The following PDPN variants were observed in gnomAD, a reference collection of about 807,000 sequenced individuals.
PDPN encodes podoplanin.
PDPN carries 12 observed loss-of-function variants against 23.2 expected under a neutral mutation model. The ratio of observed to expected loss-of-function variants is 0.52; its 90% CI spans 0.33 to 0.84. The LOEUF is 0.84. Ranked by LOEUF, PDPN falls within the 40% of genes least tolerant of loss-of-function variation. PDPN has a pLI of 0.02. For missense variants in PDPN, 199 were observed against 212.2 expected (o/e 0.94, Z 0.39); for synonymous variants, 77 against 76.7 (o/e 1.00, Z -0.02).
intron 1 of PDPN, among the ~76,000 whole-genome samples, chr1:13,593,293 A>G (rs1640400158): frequency 1.3e-5 from 2 of 152,130 alleles, no homozygotes; most frequent in South Asian, 2.1e-4. Flanking sequence ...CCGGCTTTAG[A>G]TATGATGAGT....
At chr1:13,585,947 C>G (rs928953032) in intron 1 of PDPN, among the ~76,000 whole-genome samples, 1 of 152,104 alleles carries the variant, frequency 6.6e-6, no homozygotes, top group Admixed American at 6.5e-5. Flanking sequence ...CTGGGTTTCC[C>G]TCCTCCAGGG....
chr1:13,614,114 C>T (rs1641005143), intron 4 of PDPN, among the ~76,000 whole-genome samples, 186 bp from the exon 5 acceptor site: 1 of 152,154 alleles, frequency 6.6e-6, no homozygotes, highest in African/African-American at 2.4e-5. Flanking sequence ...GAAATCTTCC[C>T]ATTTGTAAAA....
intron 1 of PDPN, chr1:13,584,436 G>C (rs1640122068): frequency 1.2e-6 from 1 of 843,884 alleles, no homozygotes; most frequent in African/African-American, 1.7e-5. Flanking sequence ...GGCAGCAGTG[G>C]CTGGGGTTTC....
intron 2 of PDPN, among the ~76,000 whole-genome samples, chr1:13,608,833 C>T (rs1016410265): frequency 1.3e-5 from 2 of 152,056 alleles, no homozygotes; most frequent in African/African-American, 2.4e-5. Flanking sequence ...AAACTGAGCC[C>T]GATTGGCTAA....
At chr1:13,600,544 T>C (rs1162766484) in intron 1 of PDPN, among the ~76,000 whole-genome samples, 1 of 152,146 alleles carries the variant, frequency 6.6e-6, no homozygotes, top group African/African-American at 2.4e-5. Context: ...TTTGTACTTT[T>C]AGTAGAGAAG....
At chr1:13,602,188 T>C (rs747350603) in intron 1 of PDPN, among the ~76,000 whole-genome samples, 5 of 151,984 alleles carry the variant, frequency 3.3e-5, no homozygotes, top group Non-Finnish European at 7.4e-5. Flanking sequence ...ATTAGCCGGG[T>C]GTGGTGGTGG....
intron 1 of PDPN, chr1:13,595,708 C>T (rs1007503186): frequency 6.5e-6 from 3 of 460,870 alleles, no homozygotes; most frequent in East Asian, 1.4e-4. Context: ...CAGGGGTTGA[C>T]AGGACCTGCC....
Position 13,584,293 on chromosome 1 carries a change from C to T in PDPN, c.67+193C>T, listed in dbSNP as rs1640118389. ...TAGTCGGTGCCAGGTCCCAAAGACG[C>T]AGCTGCGCGGGTGTGCCGGGAGGAG... On this transcript the variant is annotated intron_variant, in intron 1 of 5. Transcript: ENST00000621990. The T allele has an allele frequency of 9.2e-6, 14 of 1,522,090 alleles. No homozygotes were observed. In the Admixed American group the frequency reaches 1.6e-4, roughly 17 times the overall value. 94.3% of individuals were successfully genotyped at this position (1,522,090 alleles called of 1,614,324 possible).
Position 13,583,854 on chromosome 1 carries a change from C to A in PDPN, c.-180C>A, listed in dbSNP as rs746026348. The A allele has an allele frequency of 1.3e-6, 2 of 1,586,176 alleles. No homozygotes were observed. The highest frequency in any genetic ancestry group is 1.1e-5 in the South Asian group (1 of 87,704). On this transcript the variant is annotated 5_prime_UTR_variant, in exon 1 of 6. The change creates a new upstream start codon in the 5' untranslated region. Transcript: ENST00000621990. ...CTCAACTGCAAAGTTTGCTGTCCGG[C>A]TGCCTAGGGTCTGGGAAGCTCGGGC... is the stretch of plus-strand genomic sequence containing the variant.
chr1:13,615,807 A>G, intron 5 of PDPN, 98 bp from the exon 6 acceptor site: 1 of 1,117,770 alleles, frequency 8.9e-7, no homozygotes, highest in Non-Finnish European at 1.4e-6. Context: ...CAGAACTTGG[A>G]AGATTTAGAG....
intron 2 of PDPN, 33 bp from the exon 3 acceptor site, chr1:13,610,354 T>C (rs746128213): frequency 1.9e-6 from 3 of 1,596,510 alleles, no homozygotes; most frequent in East Asian, 4.5e-5. Context: ...GTAGGCTTTA[T>C]TTCCTGTTTT....
chr1:13,607,397 ATATC>A (rs1280220155), intron 2 of PDPN, 91 bp downstream of exon 2: 4 of 905,132 alleles, frequency 4.4e-6, no homozygotes, highest in Non-Finnish European at 3.1e-6. Flanking sequence ...ATATAAAAAT[ATATC>A]TATCTATAAA....
At chr1:13,592,351 A>G (rs1296413035) in intron 1 of PDPN, among the ~76,000 whole-genome samples, 1 of 152,060 alleles carries the variant, frequency 6.6e-6, no homozygotes, top group Non-Finnish European at 1.5e-5. Flanking sequence ...TGTTGCTTGT[A>G]CTGTTGGCGT....
chr1:13,590,042 GT>G (rs1401990798), intron 1 of PDPN, among the ~76,000 whole-genome samples: 1 of 152,200 alleles, frequency 6.6e-6, no homozygotes, highest in African/African-American at 2.4e-5. Flanking sequence ...TGGCCAGGCT[GT>G]TCTTGAACTC....
At chr1:13,583,811 G>A (rs1569998097), upstream of PDPN, 4 of 1,546,102 alleles carry the variant, frequency 2.6e-6, no homozygotes, top group East Asian at 9.0e-5. Context: ...GATAAATGCT[G>A]ACTCCGCTCG....
At chr1:13,591,789 G>A (rs1303712084) in intron 1 of PDPN, among the ~76,000 whole-genome samples, 1 of 152,186 alleles carries the variant, frequency 6.6e-6, no homozygotes, top group African/African-American at 2.4e-5. Context: ...CAGATTCCTG[G>A]GCCGAAGCCA....
At chr1:13,584,437 C>G in intron 1 of PDPN, 1 of 807,374 alleles carries the variant, frequency 1.2e-6, no homozygotes, top group Non-Finnish European at 1.9e-6. Flanking sequence ...GCAGCAGTGG[C>G]TGGGGTTTCC....
chr1:13,602,283 G>A (rs1640665672), intron 1 of PDPN, among the ~76,000 whole-genome samples: 4 of 151,996 alleles, frequency 2.6e-5, no homozygotes, highest in African/African-American at 4.8e-5. Flanking sequence ...AGCCGAGATC[G>A]TGCCACTGTA....
At chr1:13,593,098 T>C (rs928510238) in intron 1 of PDPN, among the ~76,000 whole-genome samples, 1 of 152,154 alleles carries the variant, frequency 6.6e-6, no homozygotes, top group East Asian at 1.9e-4. Flanking sequence ...ATAACTTGTC[T>C]CTTAGAGAAG....
Sources: gnomAD v4.1 joint callset for allele counts (sites outside exome capture counted in the v4.1 genomes callset) on GRCh38, gnomAD v4.1.1 for gene constraint, MANE v1.5 for transcripts, NCBI Gene and HGNC (gene_info 2026-07-23, HGNC 2026-07-21) for gene names.